PPL: variants seen among roughly 807,000 people sequenced by gnomAD.
The protein encoded by PPL is 190 kDa paraneoplastic pemphigus antigen.
Under a neutral mutation model 194.4 loss-of-function variants are expected in PPL, and 198 were observed. The ratio of observed to expected loss-of-function variants is 1.02; its 90% CI spans 0.91 to 1.15. The LOEUF (loss-of-function observed/expected upper bound fraction) is 1.15. Among genes scored for constraint, PPL ranks in the 50% most tolerant of loss-of-function variants. The pLI is 0.00. For missense variants in PPL, 2,885 were observed against 2,294.8 expected (o/e 1.26, Z -5.25); for synonymous variants, 1,220 against 972.4 (o/e 1.25, Z -4.74).
chr16:4,899,144 G>T, intron 7 of PPL, 24 bp from the exon 8 acceptor site: 1 of 1,613,044 alleles, frequency 6.2e-7, no homozygotes, highest in Non-Finnish European at 8.5e-7. Flanking sequence ...CAGTGGAGGG[G>T]CCTCAGTGCC....
chr16:4,926,642 G>T (rs1426093815), intron 1 of PPL, among the ~76,000 whole-genome samples: 1 of 152,102 alleles, frequency 6.6e-6, no homozygotes, highest in Non-Finnish European at 1.5e-5. Context: ...TTGGGAGGCC[G>T]AGGCGGGCAG....
chr16:4,889,241 G>GGTTTTTTTTTTTTTTTTTTTTTTTTTT lies in PPL; in HGVS notation c.2314-181_2314-180insAAAAAAAAAAAAAAAAAAAAAAAAAAC, dbSNP rs1442783436. Among the ~76,000 whole-genome samples, 40 of 66,636 alleles carry GGTTTTTTTTTTTTTTTTTTTTTTTTTT rather than the reference G, an allele frequency of 6.0e-4. 9 individuals carry two copies. Among genetic ancestry groups the GGTTTTTTTTTTTTTTTTTTTTTTTTTT allele is most frequent in the Non-Finnish European group, 8.2e-4 (33 of 40,350 alleles). 43.7% of individuals were successfully genotyped at this position (66,636 alleles called of 152,430 possible). On this transcript the variant is annotated intron_variant, in intron 18 of 21. Transcript: ENST00000345988. ...AAAAGGCAGTTTTTTTGTTGTTGTT[G>GGTTTTTTTTTTTTTTTTTTTTTTTTTT]TTTTTTTTTTTTTTTTTTTTTTTTT... is the stretch of plus-strand genomic sequence containing the variant.
intron 17 of PPL, 113 bp from the exon 18 acceptor site, chr16:4,890,447 A>G (rs2088298013): frequency 2.3e-6 from 3 of 1,316,490 alleles, no homozygotes; most frequent in Non-Finnish European, 2.0e-6. Flanking sequence ...AAATACCCCA[A>G]GTATCTCCCA....
At chr16:4,917,321 C>A (rs185351003) in intron 1 of PPL, among the ~76,000 whole-genome samples, 16 of 152,200 alleles carry the variant, frequency 1.1e-4, no homozygotes, top group Non-Finnish European at 1.9e-4. Context: ...CTCTATTATT[C>A]GGCCAAAGAA....
intron 13 of PPL, 40 bp from the exon 14 acceptor site, chr16:4,893,410 G>T (rs1271196349): frequency 6.3e-7 from 1 of 1,598,100 alleles, no homozygotes; most frequent in Non-Finnish European, 8.5e-7. Flanking sequence ...GTGACAACGG[G>T]CCAGGGGTGT....
intron 7 of PPL, 39 bp downstream of exon 7, chr16:4,899,184 G>T (rs2088496589): frequency 6.2e-7 from 1 of 1,613,350 alleles, no homozygotes; most frequent in Admixed American, 1.7e-5. Context: ...TCCTTCCAGG[G>T]CTGCCTCCTC....
At chr16:4,904,765 G>A (rs1369242857) in intron 2 of PPL, among the ~76,000 whole-genome samples, 1 of 152,134 alleles carries the variant, frequency 6.6e-6, no homozygotes, top group African/African-American at 2.4e-5. Context: ...GCTTAAAGGC[G>A]ATGCCTCCAG....
chr16:4,894,747 G>T, intron 11 of PPL, 129 bp from the exon 12 acceptor site: 1 of 1,026,220 alleles, frequency 9.7e-7, no homozygotes, highest in Non-Finnish European at 1.4e-6. Context: ...TCCCCGTAGA[G>T]TGGGGAGGGG....
At chr16:4,895,137 G>A in intron 11 of PPL, 124 bp downstream of exon 11, 3 of 1,250,624 alleles carry the variant, frequency 2.4e-6, no homozygotes, top group Non-Finnish European at 3.2e-6. Context: ...GGAAGGGTTG[G>A]CAGAGTGACA....
rs1185323607 is a variant in PPL, at chr16:4,890,833, A to G, written c.2057T>C (p.Leu686Pro). 3.2e-6 allele frequency: 5 copies of G among 1,577,912 alleles called. No homozygotes were observed. Among genetic ancestry groups the G allele is most frequent in the East Asian group, 4.7e-5 (2 of 42,702 alleles). Residue 686 changes from leucine to proline, a missense_variant, in exon 17 of 22, where the codon CTG becomes CCG. Physicochemically the swap from Leu to Pro is moderately conservative, Grantham distance 98 (BLOSUM62 -3). Transcript: ENST00000345988. ...ACAGTGCTCCTGGAAGCGGCTGGCC[A>G]GTGTGCTCGAGCACTGCTTGGCCGC... ...LQAAKQCSST[L>P]ASRFQEHCPD... is the part of the protein sequence containing the mutation.
chr16:4,916,384 G>T (rs1596575469), intron 1 of PPL, among the ~76,000 whole-genome samples: 1 of 152,014 alleles, frequency 6.6e-6, no homozygotes, highest in East Asian at 1.9e-4. Context: ...GCTAACTTTT[G>T]TACTTTTAGT....
intron 1 of PPL, among the ~76,000 whole-genome samples, chr16:4,922,456 G>A (rs1011985350): frequency 1.3e-5 from 2 of 152,200 alleles, no homozygotes; most frequent in African/African-American, 4.8e-5. Flanking sequence ...GAGGTCAGGA[G>A]TTCCAGACCA....
chr16:4,930,477 T>C (rs2089212959), intron 1 of PPL, among the ~76,000 whole-genome samples: 1 of 152,186 alleles, frequency 6.6e-6, no homozygotes, highest in Non-Finnish European at 1.5e-5. Context: ...GGGCAATGTA[T>C]GCTCTCTTGA....
rs749854589 is a variant in PPL at position 4,884,638 on chromosome 16, T to C, written c.4017A>G (p.Lys1339=). 1.2e-6 allele frequency: 2 copies of C among 1,614,120 alleles called. No homozygotes were observed. The highest frequency in any genetic ancestry group is 1.7e-6 in the Non-Finnish European group (2 of 1,180,022). ...RASQEEQIAR[K]EEELSRVKER... ...CCTTCACCCGCGAGAGCTCCTCCTC[T>C]TTCCGGGCGATCTGCTCTTCCTGGG... Residue 1339 remains lysine (K), a synonymous_variant, in exon 22 of 22, where the codon AAA becomes AAG. Transcript: ENST00000345988. This position sits in a 1 kb window ranked among gnomAD's most constrained non-coding sequence, Gnocchi z 5.7.
chr16:4,890,256 G>C lies in PPL; in HGVS notation c.2241C>G (p.Val747=). ...RGHDHVLQFL[V]SIPSYEPQET... is the part of the protein sequence containing the mutation. ...CCTGGGGCTCGTAACTGGGGATGCTGACTAGGAACTGCAGCACGTGGTCAT... is the reference window on the plus strand; with the variant it reads ...CCTGGGGCTCGTAACTGGGGATGCTCACTAGGAACTGCAGCACGTGGTCAT... Residue 747 remains valine, a synonymous_variant, in exon 18 of 22, where the codon GTC becomes GTG. Transcript: ENST00000345988. 1 of 1,614,206 alleles carries C rather than the reference G, an allele frequency of 6.2e-7. No individual in the cohort carries two copies. Among genetic ancestry groups the C allele is most frequent in the South Asian group, 1.1e-5 (1 of 91,084 alleles).
In PPL at chr16:4,902,356, C is replaced by A; in HGVS notation, c.438+50G>T. ...GTAGGCTCTCCCTGCACACGCACAG[C>A]CCCCTCCCCAGCTGAAACCCTGGAG... is the stretch of plus-strand genomic sequence containing the variant. On this transcript the variant is annotated intron_variant, in intron 4 of 21. Transcript: ENST00000345988. This position sits in a 1 kb window ranked among gnomAD's most constrained non-coding sequence, Gnocchi z 4.0. The A allele has an allele frequency of 6.2e-7, 1 of 1,607,322 alleles. No homozygotes were observed. The highest frequency in any genetic ancestry group is 1.1e-5 in the South Asian group (1 of 89,772).
intron 1 of PPL, 53 bp downstream of exon 1, chr16:4,936,931 T>C (rs939969550): frequency 2.0e-6 from 3 of 1,535,686 alleles, no homozygotes; most frequent in African/African-American, 2.8e-5. Flanking sequence ...CCAGGTCCTG[T>C]GCGCCCACAG....
rs781599985 is a variant in PPL at position 4,891,852 on chromosome 16, C to T, written c.1927G>A (p.Glu643Lys). The T allele has an allele frequency of 3.7e-6, 6 of 1,613,494 alleles. No individual in the cohort carries two copies. In the Middle Eastern group the frequency reaches 4.9e-4, roughly 133 times the overall value. Reference protein sequence around the residue: ...NHLNQDDTVPESSRVLDSKGQ... With the variant: ...NHLNQDDTVPKSSRVLDSKGQ... ...TTGCTGTCCAGGACACGGCTGCTCT[C>T]AGGCACTGTGTCATCCTGATTCAGA... The change falls in exon 16 of 22, where the codon GAG becomes AAG. Residue 643 changes from glutamate to lysine, a missense_variant. Glu to Lys is a moderately conservative substitution (Grantham distance 56, BLOSUM62 1). Transcript: ENST00000345988.
Position 4,885,581 on chromosome 16 carries a change from C to G in PPL, c.3074G>C (p.Gly1025Ala), listed in dbSNP as rs771644942. The G allele has an allele frequency of 1.2e-6, 2 of 1,611,736 alleles. No homozygotes were observed. Among genetic ancestry groups the G allele is most frequent in the Non-Finnish European group, 1.7e-6 (2 of 1,179,924 alleles). The change falls in exon 22 of 22, where the codon GGC becomes GCC. Residue 1025 changes from glycine (G) to alanine (A), a missense_variant. Coordinates refer to ENST00000345988, the MANE Select transcript of PPL (RefSeq NM_002705.5). The surrounding 1 kb of genome is among the most constrained non-coding windows in gnomAD (Gnocchi z 6.3). ...EELEALRRQK[G>A]AREAEVLLLQ... ...GAGGAGCACCTCTGCCTCCCGGGCG[C>G]CCTTCTGCCGCCTCAGTGCCTCCAG... is the stretch of plus-strand genomic sequence containing the variant.
Sources: gnomAD v4.1 joint callset for allele counts (sites outside exome capture counted in the v4.1 genomes callset) on GRCh38, gnomAD v4.1.1 for gene constraint, Gnocchi (gnomAD v3.1) non-coding constraint, MANE v1.5 for transcripts, NCBI Gene and HGNC (gene_info 2026-07-23, HGNC 2026-07-21) for gene names.